Variants in CLNK observed in about 807,000 individuals in gnomAD.
CLNK encodes cytokine dependent hematopoietic cell linker.
CLNK carries 74 observed loss-of-function variants against 68.6 expected under a neutral mutation model. The observed-to-expected ratio is 1.08, with a 90% confidence interval of 0.89 to 1.31. The LOEUF (loss-of-function observed/expected upper bound fraction) is 1.31. CLNK is among the 50% of genes most tolerant of loss of function. The probability of loss-of-function intolerance (pLI) is 0.00; values close to 1 mark genes in which losing one functional copy is unlikely to be tolerated. For synonymous variants in CLNK, 198 were observed against 172.2 expected, an observed-to-expected ratio of 1.15 and a Z score of -1.17; for missense variants, 553 against 515.3, an observed-to-expected ratio of 1.07 and a Z score of -0.71.
At chr4:10,694,127 C>T in the CLNK span, among the ~76,000 whole-genome samples, 1 of 151,780 alleles carries the variant, frequency 6.6e-6, no homozygotes, top group African/African-American at 2.4e-5. Context: ...CCCTGAGGAT[C>T]CTACAATTGC....
chr4:10,725,265 TC>T, the CLNK span, among the ~76,000 whole-genome samples: 1 of 152,058 alleles, frequency 6.6e-6, no homozygotes, highest in Non-Finnish European at 1.5e-5. Context: ...TCTGCCAGGG[TC>T]CCCTCTCCTC....
intron 2 of CLNK, among the ~76,000 whole-genome samples, chr4:10,616,625 G>A (rs964371121): frequency 6.6e-6 from 1 of 151,954 alleles, no homozygotes; most frequent in African/African-American, 2.4e-5. Flanking sequence ...AGATATGAGA[G>A]TTCAGCAAAA....
chr4:10,606,951 G>T (rs1378060643), intron 2 of CLNK, among the ~76,000 whole-genome samples: 3 of 152,118 alleles, frequency 2.0e-5, no homozygotes, highest in Admixed American at 2.0e-4. Context: ...TACTGCCCTG[G>T]GTGAGCTGAT....
chr4:10,538,925 T>G (rs758210490), intron 11 of CLNK, among the ~76,000 whole-genome samples: 6 of 152,190 alleles, frequency 3.9e-5, no homozygotes, highest in Non-Finnish European at 8.8e-5. Context: ...AATAGGTTGG[T>G]AAGAAAGTGC....
the CLNK span, among the ~76,000 whole-genome samples, chr4:10,717,632 A>G: frequency 6.6e-6 from 1 of 152,144 alleles, no homozygotes; most frequent in Admixed American, 6.5e-5. Context: ...CTCCCACCCC[A>G]CTGGTAAAGG....
At chr4:10,733,858 T>G in the CLNK span, among the ~76,000 whole-genome samples, 1 of 152,254 alleles carries the variant, frequency 6.6e-6, no homozygotes, top group African/African-American at 2.4e-5. Context: ...GAGTTGACAT[T>G]CCTGCATATC....
At chr4:10,655,923 A>G (rs1318184645) in intron 2 of CLNK, among the ~76,000 whole-genome samples, 1 of 152,140 alleles carries the variant, frequency 6.6e-6, no homozygotes, top group Non-Finnish European at 1.5e-5. Context: ...TGCTGGGATT[A>G]CAGGCGTGAG....
the CLNK span, among the ~76,000 whole-genome samples, chr4:10,730,969 A>T: frequency 3.3e-5 from 5 of 152,208 alleles, no homozygotes; most frequent in African/African-American, 1.2e-4. Context: ...AAAGCTACAG[A>T]TTTCTTAGGT....
chr4:10,579,974 G>T (rs1035799161), intron 4 of CLNK, among the ~76,000 whole-genome samples: 1 of 152,172 alleles, frequency 6.6e-6, no homozygotes, highest in Non-Finnish European at 1.5e-5. Context: ...CCACTTTTCT[G>T]CCACACAGGG....
chr4:10,566,489 C>A (rs567554396), intron 5 of CLNK, among the ~76,000 whole-genome samples: 10 of 152,094 alleles, frequency 6.6e-5, no homozygotes, highest in Non-Finnish European at 1.0e-4. Context: ...TCACATGAAC[C>A]CTTAGAAGCA....
chr4:10,674,911 C>T (rs768239987), intron 1 of CLNK, among the ~76,000 whole-genome samples: 4 of 151,372 alleles, frequency 2.6e-5, no homozygotes, highest in Non-Finnish European at 5.9e-5. Context: ...CAGCTTCATC[C>T]GTGTTCATGT....
intron 2 of CLNK, among the ~76,000 whole-genome samples, chr4:10,641,004 T>C (rs1723285016): frequency 6.6e-6 from 1 of 152,152 alleles, no homozygotes; most frequent in Non-Finnish European, 1.5e-5. Context: ...CCGCTGAGCA[T>C]GTCAGGGCTA....
chr4:10,618,515 T>C (rs1214055124), intron 2 of CLNK, among the ~76,000 whole-genome samples: 2 of 152,222 alleles, frequency 1.3e-5, no homozygotes, highest in Non-Finnish European at 1.5e-5. Flanking sequence ...GGGTGAATTA[T>C]ATGACATGTA....
chr4:10,699,444 A>G, the CLNK span, among the ~76,000 whole-genome samples: 1 of 138,162 alleles, frequency 7.2e-6, no homozygotes, highest in Non-Finnish European at 1.5e-5. Flanking sequence ...GTATTTGTAT[A>G]TAACCTATGT....
chr4:10,720,630 G>A, the CLNK span, among the ~76,000 whole-genome samples: 1 of 103,202 alleles, frequency 9.7e-6, no homozygotes, highest in East Asian at 3.7e-4. Context: ...ATGAGGTACA[G>A]AAAAACCACA....
chr4:10,490,643 T>G lies in CLNK; in HGVS notation c.1141-30A>C, dbSNP rs1354011058. On this transcript the variant is annotated intron_variant, in intron 18 of 18. Transcript: ENST00000226951. Reference sequence around the variant, plus strand: ...AACACAGAAAAGAAAGTTAATGACTTTTAAAATATCTTTTGTGTCTGTAGG... The same window carrying G: ...AACACAGAAAAGAAAGTTAATGACTGTTAAAATATCTTTTGTGTCTGTAGG... The G allele has an allele frequency of 3.2e-6, 5 of 1,539,676 alleles. No individual in the cohort carries two copies. The Admixed American group carries it at 9.9e-5, about 30-fold the overall frequency.
the CLNK span, among the ~76,000 whole-genome samples, chr4:10,727,328 G>T: frequency 5.3e-5 from 8 of 152,184 alleles, no homozygotes; most frequent in African/African-American, 1.9e-4. Context: ...TGAGAGTCGT[G>T]GAAAATTCCG....
At chr4:10,618,800 G>A (rs2108859218) in intron 2 of CLNK, among the ~76,000 whole-genome samples, 1 of 152,302 alleles carries the variant, frequency 6.6e-6, no homozygotes, top group African/African-American at 2.4e-5. Context: ...AACTCACTCA[G>A]TCACGGTTAT....
At chr4:10,627,777 T>C (rs775626549) in intron 2 of CLNK, among the ~76,000 whole-genome samples, 1 of 152,078 alleles carries the variant, frequency 6.6e-6, no homozygotes, top group Non-Finnish European at 1.5e-5. Context: ...GGTTCCCCAC[T>C]CCCACCCCCA....
Sources: allele counts gnomAD v4.1 joint callset (sites outside exome capture counted in the v4.1 genomes callset), GRCh38; gene constraint gnomAD v4.1.1; transcripts MANE v1.5; gene names NCBI Gene and HGNC (gene_info 2026-07-23, HGNC 2026-07-21).